The following NINJ2 variants were observed in gnomAD, a reference collection of about 807,000 sequenced individuals.
NINJ2 encodes ninjurin 2.
NINJ2 carries 12 observed loss-of-function variants against 11.7 expected under a neutral mutation model. The ratio of observed to expected loss-of-function variants is 1.02; its 90% CI spans 0.66 to 1.66. The LOEUF (loss-of-function observed/expected upper bound fraction) is 1.66, where lower values mean the gene tolerates loss of function less well. NINJ2 is among the 40% of genes most tolerant of loss of function. NINJ2 has a pLI of 0.00. For missense variants in NINJ2, 187 were observed against 181.8 expected (o/e 1.03, Z -0.16); for synonymous variants, 93 against 76.8 (o/e 1.21, Z -1.10).
intron 1 of NINJ2, among the ~76,000 whole-genome samples, chr12:613,717 A>C (rs1312167274): frequency 1.3e-5 from 2 of 152,140 alleles, no homozygotes; most frequent in Non-Finnish European, 2.9e-5. Context: ...CATCCTGGCT[A>C]ATACGGTGAA....
rs533065648 is a variant in NINJ2 at position 604,543 on chromosome 12, C to T, written c.34-38365G>A. Among the ~76,000 whole-genome samples, 4 of 152,264 alleles carry T rather than the reference C, an allele frequency of 2.6e-5. No homozygotes were observed. In the East Asian group the frequency reaches 7.7e-4, roughly 29 times the overall value. On this transcript the variant is annotated intron_variant, in intron 1 of 3. Transcript: ENST00000305108. ...ATCCCAGCTACTCGGGAGGCTGAGG[C>T]ACGAGAATCGCTTGAACCTGGGAGG...
intron 1 of NINJ2, among the ~76,000 whole-genome samples, chr12:583,319 G>GC (rs1592077369): frequency 1.3e-5 from 2 of 152,340 alleles, no homozygotes; most frequent in Admixed American, 6.5e-5. Context: ...ACAGCTCAGG[G>GC]CGATGCCCCA....
intron 1 of NINJ2, among the ~76,000 whole-genome samples, chr12:595,389 A>G (rs982809254): frequency 6.6e-6 from 1 of 152,236 alleles, no homozygotes; most frequent in African/African-American, 2.4e-5. Context: ...AATAATTGAT[A>G]AACTGGACTT....
intron 1 of NINJ2, chr12:610,727 T>TAA: frequency 2.2e-6 from 1 of 465,030 alleles, no homozygotes; most frequent in Non-Finnish European, 2.7e-6. Context: ...TGGAAATCTA[T>TAA]TCTTTTTTTT....
At chr12:648,992 ATCTG>A (rs994280627) in intron 1 of NINJ2, among the ~76,000 whole-genome samples, 1 of 59,430 alleles carries the variant, frequency 1.7e-5, no homozygotes, top group African/African-American at 4.8e-5. Flanking sequence ...CTATCTATCT[ATCTG>A]TCTATCTATC....
At chr12:601,343 G>A (rs961555493) in intron 1 of NINJ2, among the ~76,000 whole-genome samples, 13 of 145,896 alleles carry the variant, frequency 8.9e-5, no homozygotes, top group South Asian at 4.4e-4. Context: ...TCAGGAGATC[G>A]AGACCATCCT....
At chr12:621,293 T>TA (rs1259574528) in intron 1 of NINJ2, among the ~76,000 whole-genome samples, 15 of 148,904 alleles carry the variant, frequency 1.0e-4, no homozygotes, top group East Asian at 4.0e-4. Context: ...ATAAAAAAAT[T>TA]TAAAAAAAAA....
chr12:578,265 G>A (rs1947497971), intron 1 of NINJ2, among the ~76,000 whole-genome samples: 1 of 152,208 alleles, frequency 6.6e-6, no homozygotes, highest in South Asian at 2.1e-4. Context: ...GGTTGTTGGA[G>A]ATGTGAATCT....
chr12:654,465 G>C (rs985785974), intron 1 of NINJ2, among the ~76,000 whole-genome samples: 17 of 149,810 alleles, frequency 1.1e-4, no homozygotes, highest in Admixed American at 1.0e-3. Context: ...AGGTTGCGGT[G>C]AGCCGAGATC....
At chr12:589,980 C>A (rs920787544) in intron 1 of NINJ2, among the ~76,000 whole-genome samples, 60 of 152,162 alleles carry the variant, frequency 3.9e-4, no homozygotes, top group African/African-American at 1.4e-3. Flanking sequence ...AGAGGTGGAG[C>A]GGTGTGGGGC....
chr12:638,417 T>TTTTGTTTG (rs10633949), intron 1 of NINJ2, among the ~76,000 whole-genome samples: 9 of 151,628 alleles, frequency 5.9e-5, no homozygotes, highest in Admixed American at 1.3e-4. Context: ...ACATTTAGTT[T>TTTTGTTTG]TTTGTTTGTT....
At chr12:571,551 C>G (rs1947376989) in intron 1 of NINJ2, among the ~76,000 whole-genome samples, 2 of 152,252 alleles carry the variant, frequency 1.3e-5, no homozygotes. Flanking sequence ...CGTTCCAGCT[C>G]AGACTTCCCT....
Position 610,399 on chromosome 12 carries a change from C to T in NINJ2, c.34-44221G>A, listed in dbSNP as rs1403503972. 4 of 1,535,530 alleles carry T rather than the reference C, an allele frequency of 2.6e-6. No homozygotes were observed. In the South Asian group the frequency reaches 4.8e-5, roughly 18 times the overall value. On this transcript the variant is annotated intron_variant, in intron 1 of 3. Transcript: ENST00000305108. ...GCTGACTTGGAACTGAAGCCTCTTGCCCCACCAAGCAATTACTGGAGAACA... is the reference window on the plus strand; with the variant it reads ...GCTGACTTGGAACTGAAGCCTCTTGTCCCACCAAGCAATTACTGGAGAACA...
intron 1 of NINJ2, among the ~76,000 whole-genome samples, chr12:600,078 C>G (rs529063588): frequency 6.6e-6 from 1 of 152,182 alleles, no homozygotes; most frequent in East Asian, 1.9e-4. Context: ...TCCTTCCGAA[C>G]GCCTGAGCCA....
intron 1 of NINJ2, among the ~76,000 whole-genome samples, chr12:622,706 A>G (rs968815913): frequency 6.6e-6 from 1 of 152,112 alleles, no homozygotes; most frequent in Non-Finnish European, 1.5e-5. Flanking sequence ...TTCGGGTCAC[A>G]GACCCTTTCA....
chr12:653,297 G>A (rs1282545956), intron 1 of NINJ2, among the ~76,000 whole-genome samples: 1 of 152,016 alleles, frequency 6.6e-6, no homozygotes. Flanking sequence ...GGGATTACAG[G>A]CGTGAGCCAT....
At chr12:597,148 G>A (rs1373141645) in intron 1 of NINJ2, among the ~76,000 whole-genome samples, 1 of 152,130 alleles carries the variant, frequency 6.6e-6, no homozygotes, top group African/African-American at 2.4e-5. Context: ...AAAATGGAAG[G>A]CGAAACACTA....
chr12:605,369 C>T (rs897579597), intron 1 of NINJ2, among the ~76,000 whole-genome samples: 1 of 152,200 alleles, frequency 6.6e-6, no homozygotes, highest in African/African-American at 2.4e-5. Context: ...ACACCTATCC[C>T]CAGACAGAAG....
intron 1 of NINJ2, chr12:610,478 G>T: frequency 6.5e-7 from 1 of 1,532,176 alleles, no homozygotes; most frequent in Non-Finnish European, 8.7e-7. Context: ...AAAAGGGTCA[G>T]CGAGCACAGC....
Sources: allele counts gnomAD v4.1 joint callset (sites outside exome capture counted in the v4.1 genomes callset), GRCh38; gene constraint gnomAD v4.1.1; transcripts MANE v1.5; gene names NCBI Gene and HGNC (gene_info 2026-07-23, HGNC 2026-07-21).